EPSTI1: variants seen among roughly 807,000 people sequenced by gnomAD.
The protein encoded by EPSTI1 is epithelial-stromal interaction protein 1.
A neutral mutation model predicts 49.9 loss-of-function variants in EPSTI1; 66 were observed. The observed-to-expected ratio is 1.32, with a 90% CI of 1.08 to 1.62. The LOEUF is 1.62. Ranked by LOEUF, EPSTI1 falls within the 40% of genes most tolerant of loss-of-function variation. The probability of loss-of-function intolerance (pLI) is 0.00; values close to 1 mark genes in which losing one functional copy is unlikely to be tolerated. For synonymous variants in EPSTI1, 137 were observed against 130.7 expected (o/e 1.05, Z -0.33); for missense variants, 394 against 365.5 (o/e 1.08, Z -0.64).
At chr13:42,951,049 T>C (rs1293097240) in intron 6 of EPSTI1, among the ~76,000 whole-genome samples, 3 of 151,936 alleles carry the variant, frequency 2.0e-5, no homozygotes, top group African/African-American at 7.3e-5. Context: ...CCCAGCTACT[T>C]GGGAGGCTGA....
chr13:42,991,838 T>C (rs2040199616), intron 1 of EPSTI1, 140 bp downstream of exon 1: 4 of 956,936 alleles, frequency 4.2e-6, no homozygotes, highest in Non-Finnish European at 3.1e-6. Flanking sequence ...TACTTTCATT[T>C]AAGCAAATGA....
At chr13:42,989,567 C>CTATTTTTTTTTTTTTTTTTTTTTTTT in intron 1 of EPSTI1, among the ~76,000 whole-genome samples, 1 of 79,022 alleles carries the variant, frequency 1.3e-5, no homozygotes, top group Non-Finnish European at 2.5e-5. Flanking sequence ...CCTCTTTTTT[C>CTATTTTTTTTTTTTTTTTTTTTTTTT]TTTTTTTTTT....
intron 5 of EPSTI1, among the ~76,000 whole-genome samples, chr13:42,962,079 C>A (rs1251456720): frequency 6.6e-6 from 1 of 152,146 alleles, no homozygotes; most frequent in Non-Finnish European, 1.5e-5. Flanking sequence ...TGAAAAGCTA[C>A]AGATTTATCT....
At chr13:42,987,916 T>G (rs1198616514) in intron 1 of EPSTI1, among the ~76,000 whole-genome samples, 2 of 152,190 alleles carry the variant, frequency 1.3e-5, no homozygotes, top group Non-Finnish European at 2.9e-5. Flanking sequence ...CTATTATTAT[T>G]ATTGCTCATG....
chr13:42,950,576 G>A (rs2153428005), intron 6 of EPSTI1, among the ~76,000 whole-genome samples: 1 of 151,742 alleles, frequency 6.6e-6, no homozygotes, highest in East Asian at 1.9e-4. Context: ...GATTCTCATG[G>A]TGGTGCCCCA....
intron 3 of EPSTI1, 137 bp from the exon 4 acceptor site, chr13:42,964,276 A>G: frequency 1.7e-6 from 1 of 601,306 alleles, no homozygotes; most frequent in Non-Finnish European, 2.7e-6. Flanking sequence ...TAAGAACATA[A>G]CCAGTTTTCC....
At chr13:42,911,224 A>AGAGG (rs1369461255) in intron 8 of EPSTI1, among the ~76,000 whole-genome samples, 1 of 149,000 alleles carries the variant, frequency 6.7e-6, no homozygotes, top group Non-Finnish European at 1.5e-5. Flanking sequence ...TGTGAGAGAG[A>AGAGG]GAGGGAGGGA....
intron 1 of EPSTI1, among the ~76,000 whole-genome samples, chr13:42,981,463 A>T (rs970630900): frequency 1.3e-5 from 2 of 152,172 alleles, no homozygotes; most frequent in Admixed American, 1.3e-4. Context: ...GCTGCCAAAG[A>T]CTTTTTAGCA....
intron 6 of EPSTI1, among the ~76,000 whole-genome samples, 157 bp downstream of exon 6, chr13:42,953,791 C>T (rs901269365): frequency 3.3e-5 from 5 of 152,160 alleles, no homozygotes; most frequent in African/African-American, 7.2e-5. Context: ...CATGTCTCTC[C>T]CACCTTACTT....
In EPSTI1 at chr13:42,888,214, T is replaced by C; in HGVS notation, c.*280A>G. On this transcript the variant is annotated 3_prime_UTR_variant, in exon 11 of 11. Coordinates refer to ENST00000313624, the MANE Select transcript of EPSTI1 (RefSeq NM_033255.5). ...AAAGCATCAAGTGACTCCCTCTTTT[T>C]CTACCCTACCAACATCACTCTAATT... 1 of 1,605,456 alleles carries C rather than the reference T, an allele frequency of 6.2e-7. No homozygotes were observed. Among genetic ancestry groups the C allele is most frequent in the African/African-American group, 1.3e-5 (1 of 74,740 alleles).
intron 6 of EPSTI1, among the ~76,000 whole-genome samples, chr13:42,926,855 C>G (rs964818247): frequency 6.6e-6 from 1 of 152,096 alleles, no homozygotes; most frequent in Non-Finnish European, 1.5e-5. Context: ...ACATTAAGCC[C>G]TTTACCCTCT....
rs751144810 is a variant in EPSTI1, at chr13:42,922,499, C to T, written c.657+3837G>A. Among the ~76,000 whole-genome samples the T allele has an allele frequency of 2.0e-5, 3 of 152,114 alleles. No homozygotes were observed. Among genetic ancestry groups the T allele is most frequent in the African/African-American group, 2.4e-5 (1 of 41,494 alleles). On this transcript the variant is annotated intron_variant, in intron 7 of 10. Transcript: ENST00000313624. The surrounding 1 kb of genome is among the most constrained non-coding windows in gnomAD (Gnocchi z 4.8). The stretch of plus-strand genomic sequence containing the variant: ...GTTTGCGGGGACAGGGGACAGATGC[C>T]CCCCGGAAGCTTCAAAAGGAACCAT...
intron 6 of EPSTI1, 142 bp from the exon 7 acceptor site, chr13:42,926,571 A>C (rs2038186903): frequency 1.5e-6 from 1 of 656,700 alleles, no homozygotes; most frequent in Non-Finnish European, 2.8e-6. Flanking sequence ...GTTGAGAACA[A>C]GGTGTAGCAG....
chr13:42,938,055 C>G (rs2038622913), intron 6 of EPSTI1, among the ~76,000 whole-genome samples: 1 of 152,128 alleles, frequency 6.6e-6, no homozygotes, highest in African/African-American at 2.4e-5. Flanking sequence ...CCAGGCATCT[C>G]AAAGTTAGCA....
At chr13:42,908,067 T>C (rs1279035802) in intron 8 of EPSTI1, among the ~76,000 whole-genome samples, 1 of 152,194 alleles carries the variant, frequency 6.6e-6, no homozygotes. Flanking sequence ...TAAACCCTTT[T>C]CTCTCATCAC....
chr13:42,961,714 C>T (rs190811725), intron 5 of EPSTI1, among the ~76,000 whole-genome samples: 76 of 152,272 alleles, frequency 5.0e-4, no homozygotes, highest in East Asian at 4.2e-3. Context: ...CCCAGTGTCC[C>T]CTGACTTCTT....
At chr13:42,949,507 G>A (rs1321790951) in intron 6 of EPSTI1, among the ~76,000 whole-genome samples, 4 of 150,302 alleles carry the variant, frequency 2.7e-5, no homozygotes, top group Admixed American at 6.7e-5. Flanking sequence ...GGGAGAAATC[G>A]CCTGAACCCA....
At chr13:42,905,452 G>A (rs1182796308) in intron 8 of EPSTI1, among the ~76,000 whole-genome samples, 2 of 152,186 alleles carry the variant, frequency 1.3e-5, no homozygotes, top group Non-Finnish European at 2.9e-5. Flanking sequence ...CAGCCACCGA[G>A]GATGTGTCTG....
At chr13:42,950,386 T>C (rs2039059058) in intron 6 of EPSTI1, among the ~76,000 whole-genome samples, 1 of 152,234 alleles carries the variant, frequency 6.6e-6, no homozygotes, top group East Asian at 1.9e-4. Flanking sequence ...ATGCGTACAA[T>C]TAGAAAGCAA....
Sources: allele counts gnomAD v4.1 joint callset (sites outside exome capture counted in the v4.1 genomes callset), GRCh38; gene constraint gnomAD v4.1.1; non-coding constraint Gnocchi (gnomAD v3.1); transcripts MANE v1.5; gene names NCBI Gene and HGNC (gene_info 2026-07-23, HGNC 2026-07-21).